Variants in ARMH3 observed in about 807,000 individuals in gnomAD.
The protein encoded by ARMH3 is armadillo-like helical domain-containing protein 3.
ARMH3 carries 60 observed loss-of-function variants against 99.1 expected under a neutral mutation model. That is an observed-to-expected ratio of 0.61 (90% CI 0.49 to 0.75). The LOEUF (loss-of-function observed/expected upper bound fraction) is 0.75, where lower values mean the gene tolerates loss of function less well. Ranked by LOEUF, ARMH3 falls within the 30% of genes least tolerant of loss-of-function variation. The pLI is 0.00. For missense variants in ARMH3, 679 were observed against 843.1 expected (o/e 0.81, Z 2.41); for synonymous variants, 285 against 292.8 (o/e 0.97, Z 0.27).
chr10:102,045,647 T>C (rs910021668), intron 1 of ARMH3, among the ~76,000 whole-genome samples: 1 of 152,178 alleles, frequency 6.6e-6, no homozygotes, highest in Non-Finnish European at 1.5e-5. Context: ...GGGTCTTTTG[T>C]GTTTGTGAAT....
rs199630457 is a variant in ARMH3, at chr10:101,993,509, A to G, written c.1275+29T>C. 1.3e-4 allele frequency: 207 copies of G among 1,547,034 alleles called. No individual in the cohort carries two copies. The African/African-American group carries it at 1.7e-3, about 13-fold the overall frequency. On this transcript the variant is annotated intron_variant, in intron 17 of 25. Coordinates refer to ENST00000370033, the MANE Select transcript of ARMH3 (RefSeq NM_024541.3). ...CGACATACAAAAAATTTCCTCTAAGAAAAAACAAGAAGCAAAAGAAACACC... is the reference window on the plus strand; with the variant it reads ...CGACATACAAAAAATTTCCTCTAAGGAAAAACAAGAAGCAAAAGAAACACC...
At chr10:101,892,450 CCTT>C (rs1564727081) in intron 23 of ARMH3, among the ~76,000 whole-genome samples, 1 of 152,070 alleles carries the variant, frequency 6.6e-6, no homozygotes, top group African/African-American at 2.4e-5. Context: ...TATAACGAGA[CCTT>C]CTCTCAAAAA....
At chr10:101,963,628 T>C (rs1845405804) in intron 20 of ARMH3, among the ~76,000 whole-genome samples, 2 of 151,938 alleles carry the variant, frequency 1.3e-5, no homozygotes, top group African/African-American at 4.8e-5. Context: ...AGATGGAGTT[T>C]TGCTCTTGTT....
intron 23 of ARMH3, among the ~76,000 whole-genome samples, chr10:101,924,668 T>C (rs559414203): frequency 3.5e-4 from 54 of 152,154 alleles, no homozygotes; most frequent in Non-Finnish European, 6.9e-4. Flanking sequence ...TTACATTTTC[T>C]TAATAATAAG....
At chr10:101,922,471 CA>C (rs994856182) in intron 23 of ARMH3, among the ~76,000 whole-genome samples, 2 of 152,136 alleles carry the variant, frequency 1.3e-5, no homozygotes, top group African/African-American at 4.8e-5. Context: ...AGGCTGGTCT[CA>C]AACTCTTGAG....
chr10:102,035,034 T>G (rs928941393), intron 2 of ARMH3, among the ~76,000 whole-genome samples: 1 of 151,924 alleles, frequency 6.6e-6, no homozygotes, highest in African/African-American at 2.4e-5. Context: ...GTCAAGAGTT[T>G]GAGACCAGCC....
intron 23 of ARMH3, among the ~76,000 whole-genome samples, chr10:101,930,141 C>A (rs1843660978): frequency 6.6e-6 from 1 of 152,026 alleles, no homozygotes. Context: ...GGATTTATCC[C>A]AGGAATGCAA....
chr10:101,976,078 A>T (rs1845988448), intron 19 of ARMH3, among the ~76,000 whole-genome samples: 1 of 145,334 alleles, frequency 6.9e-6, no homozygotes. Context: ...CTGAGGCAGG[A>T]GAATGGCATG....
chr10:101,992,572 T>C (rs917906731), intron 17 of ARMH3, among the ~76,000 whole-genome samples: 13 of 151,550 alleles, frequency 8.6e-5, no homozygotes, highest in Non-Finnish European at 1.2e-4. Flanking sequence ...CTCGGCTCAC[T>C]GCAAGCTCTG....
chr10:102,023,498 C>T lies in ARMH3; in HGVS notation c.648G>A (p.Leu216=), dbSNP rs2066933894. 8.7e-6 allele frequency: 14 copies of T among 1,614,042 alleles called. No homozygotes were observed. The highest frequency in any genetic ancestry group is 1.2e-5 in the Non-Finnish European group (14 of 1,179,964). ...TTACCTCATATTTTCTATAGTTCAC[C>T]AGCAAAGCCAAGAGGACGACAGCAT... ...GYDAVVLLAL[L]VNYRKYESVN... The change falls in exon 8 of 26, where the codon CTG becomes CTA. Residue 216 remains leucine, a synonymous_variant. Coordinates refer to ENST00000370033, the MANE Select transcript of ARMH3 (RefSeq NM_024541.3).
In ARMH3 at chr10:101,849,690, TCTGCAGATAAA is replaced by T. The variant is rs541340398; in HGVS notation, c.1977+75_1977+85del. 4.9e-4 allele frequency: 556 copies of T among 1,128,538 alleles called. 1 individual carries two copies. The African/African-American group carries it at 5.2e-3, about 11-fold the overall frequency. 69.9% of individuals were successfully genotyped at this position (1,128,538 alleles called of 1,614,324 possible). On this transcript the variant is annotated intron_variant, in intron 25 of 25. Transcript: ENST00000370033. Reference sequence around the variant, plus strand: ...AGCAGACCCCTCAAGTCTTGTTTTATCTGCAGATAAACTGCAGATAAACTGCAGAACCCAGT... The same window carrying T: ...AGCAGACCCCTCAAGTCTTGTTTTATCTGCAGATAAACTGCAGAACCCAGT...
chr10:101,992,738 C>T (rs1205562595), intron 17 of ARMH3, among the ~76,000 whole-genome samples: 3 of 151,840 alleles, frequency 2.0e-5, no homozygotes, highest in South Asian at 2.1e-4. Context: ...CTTGTGATCC[C>T]GCCTTGGCCT....
intron 1 of ARMH3, among the ~76,000 whole-genome samples, chr10:102,044,827 A>C (rs1052943282): frequency 3.9e-5 from 6 of 152,296 alleles, no homozygotes; most frequent in Admixed American, 3.9e-4. Context: ...AGGGGAAAGA[A>C]GGAAAATGAA....
intron 24 of ARMH3, among the ~76,000 whole-genome samples, chr10:101,873,635 C>A (rs1246422367): frequency 4.6e-5 from 7 of 152,232 alleles, no homozygotes; most frequent in Middle Eastern, 6.8e-3. Context: ...CATTAGCAGT[C>A]CCTCCCCACC....
intron 19 of ARMH3, among the ~76,000 whole-genome samples, chr10:101,980,645 C>A (rs1247314752): frequency 6.6e-6 from 1 of 152,052 alleles, no homozygotes; most frequent in African/African-American, 2.4e-5. Context: ...CAAAGAATAT[C>A]CCAAGACCCT....
intron 19 of ARMH3, among the ~76,000 whole-genome samples, chr10:101,980,752 A>G (rs566217998): frequency 1.8e-4 from 28 of 152,296 alleles, no homozygotes; most frequent in Admixed American, 1.6e-3. Context: ...ATAAAGACAC[A>G]TGCACATGTA....
At chr10:102,027,571 G>C (rs908922786) in intron 5 of ARMH3, among the ~76,000 whole-genome samples, 4 of 152,112 alleles carry the variant, frequency 2.6e-5, no homozygotes, top group African/African-American at 7.2e-5. Flanking sequence ...AGTACTTATG[G>C]GATGTGTCAG....
intron 17 of ARMH3, among the ~76,000 whole-genome samples, chr10:101,992,335 T>C (rs1394165380): frequency 6.6e-6 from 1 of 152,150 alleles, no homozygotes; most frequent in African/African-American, 2.4e-5. Context: ...CTTTTAGTTA[T>C]ATAAGTGGCA....
rs192484149 is a variant in ARMH3 at position 101,997,129 on chromosome 10, G to A, written c.1151-1774C>T. On this transcript the variant is annotated intron_variant, in intron 15 of 25. Transcript: ENST00000370033. ...AAGATACAAAAATCAGCCAGGCGTGGTGGCATGCACCTGTAATCCCAGCTA... is the reference window on the plus strand; with the variant it reads ...AAGATACAAAAATCAGCCAGGCGTGATGGCATGCACCTGTAATCCCAGCTA... Among the ~76,000 whole-genome samples, 317 of 152,124 alleles carry A rather than the reference G, an allele frequency of 2.1e-3. 1 individual carries two copies. Among genetic ancestry groups the A allele is most frequent in the African/African-American group, 7.1e-3 (295 of 41,498 alleles).
Sources: gnomAD v4.1 joint callset for allele counts (sites outside exome capture counted in the v4.1 genomes callset) on GRCh38, gnomAD v4.1.1 for gene constraint, MANE v1.5 for transcripts, NCBI Gene and HGNC (gene_info 2026-07-23, HGNC 2026-07-21) for gene names.